The following ATRX variants were observed in gnomAD, a reference collection of about 807,000 sequenced individuals.
ATRX encodes chromatin remodeler ATRX.
ATRX carries 12 observed loss-of-function variants against 172.6 expected under a neutral mutation model. That is an observed-to-expected ratio of 0.07 (90% CI 0.04 to 0.11). The LOEUF (loss-of-function observed/expected upper bound fraction) is 0.11. ATRX is among the 10% of genes least tolerant of loss of function. The probability of loss-of-function intolerance (pLI) is 1.00; values close to 1 mark genes in which losing one functional copy is unlikely to be tolerated. For missense variants in ATRX, 1,368 were observed against 1,767.4 expected (o/e 0.77, Z 4.05); for synonymous variants, 674 against 594.7 (o/e 1.13, Z -1.94).
chrX:77,566,779 T>C (rs1167585512), intron 28 of ATRX, among the ~76,000 whole-genome samples: 2 of 111,219 alleles, frequency 1.8e-5, no homozygotes, highest in Non-Finnish European at 3.8e-5. Context: ...TACAATAAGT[T>C]CTCTAAATAC....
chrX:77,753,149 G>T (rs1291222981), intron 1 of ATRX, among the ~76,000 whole-genome samples: 1 of 111,300 alleles, frequency 9.0e-6, no homozygotes, highest in Non-Finnish European at 1.9e-5. Flanking sequence ...TTCAGAACTT[G>T]TTATTGGTCT....
At chrX:77,586,508 A>G (rs1557077201) in intron 27 of ATRX, among the ~76,000 whole-genome samples, 1 of 112,318 alleles carries the variant, frequency 8.9e-6, no homozygotes, top group Non-Finnish European at 1.9e-5. Flanking sequence ...TATAAAATAA[A>G]TGCAAATTAA....
intron 32 of ATRX, chrX:77,521,768 C>G (rs1260739264): frequency 1.5e-5 from 4 of 259,288 alleles, no homozygotes; most frequent in Non-Finnish European, 2.7e-5. Context: ...TAATGTGTTT[C>G]AGATTCAATT....
chrX:77,683,901 A>G lies in ATRX; in HGVS notation c.1355T>C (p.Leu452Ser), dbSNP rs781962927. 8.3e-7 allele frequency: 1 copy of G among 1,209,733 alleles called. No individual in the cohort carries two copies. The highest frequency in any genetic ancestry group is 1.7e-5 in the African/African-American group (1 of 57,773). Residue 452 changes from leucine to serine, a missense_variant, in exon 9 of 35, where the codon TTG becomes TCG. Transcript: ENST00000373344. ...TGACTTTGAAATATCCTTCTTTTCC[A>G]AAGCACAAGGTTTTTCTCCTTTTCG... ...KARKGEKPCA[L>S]EKKDISKSEA...
intron 15 of ATRX, among the ~76,000 whole-genome samples, chrX:77,637,567 G>A (rs782332170): frequency 2.7e-5 from 3 of 110,564 alleles, no homozygotes; most frequent in African/African-American, 9.9e-5. Context: ...CAAAATACTA[G>A]TTTAGTAAAA....
intron 10 of ATRX, chrX:77,673,910 TA>T (rs2070743348): frequency 9.0e-6 from 1 of 110,739 alleles, no homozygotes; most frequent in Non-Finnish European, 1.9e-5. Flanking sequence ...TCTCATGATA[TA>T]AAAAAGTAAC....
intron 27 of ATRX, among the ~76,000 whole-genome samples, chrX:77,579,383 G>A (rs78455193): frequency 0.011 from 1,233 of 111,853 alleles, 8 homozygotes; most frequent in Non-Finnish European, 0.017. Context: ...TGCTATACCC[G>A]CAGTGGTAGT....
intron 25 of ATRX, among the ~76,000 whole-genome samples, chrX:77,597,809 G>A (rs1281710628): frequency 8.9e-6 from 1 of 111,848 alleles, no homozygotes; most frequent in Non-Finnish European, 1.9e-5. Flanking sequence ...GCTGGAGAAG[G>A]GGCAAAGAAA....
intron 1 of ATRX, among the ~76,000 whole-genome samples, chrX:77,729,478 CAT>C (rs781802691): frequency 3.3e-4 from 37 of 112,038 alleles, no homozygotes; most frequent in African/African-American, 1.2e-3. Flanking sequence ...TTCTTTAATT[CAT>C]AGACTTTTCT....
Position 77,576,466 on chromosome X carries a change from C to T in ATRX, c.6218-2108G>A, listed in dbSNP as rs3027542. 6.2e-3 allele frequency among the ~76,000 whole-genome samples: 686 copies of T among 110,043 alleles called. 3 individuals carry two copies. Among genetic ancestry groups the T allele is most frequent in the African/African-American group, 0.021 (640 of 30,304 alleles). On this transcript the variant is annotated intron_variant, in intron 27 of 34. Coordinates refer to ENST00000373344, the MANE Select transcript of ATRX (RefSeq NM_000489.6). ...AAACTCACTCTAGAAACAAAGAAAG[C>T]GGGGAAATGAGAAAGATAAAAAGTG...
chrX:77,600,103 T>C (rs1206495833), intron 23 of ATRX, among the ~76,000 whole-genome samples: 4 of 111,988 alleles, frequency 3.6e-5, no homozygotes, highest in Non-Finnish European at 7.5e-5. Flanking sequence ...AAAGTTAATT[T>C]CTTAGTTTTG....
At position 77,550,311 on chromosome X, in the gene ATRX, C is replaced by A. The variant is rs978788535; in HGVS notation, c.6699+7140G>T. ...TCCCTGGGATGCAAGGCTGGTTCAA[C>A]ATATGCAAATCAATAAACGTAATCC... is the stretch of plus-strand genomic sequence containing the variant. On this transcript the variant is annotated intron_variant, in intron 30 of 34. Coordinates refer to ENST00000373344, the MANE Select transcript of ATRX (RefSeq NM_000489.6). 1.3e-4 allele frequency among the ~76,000 whole-genome samples: 15 copies of A among 112,117 alleles called. No individual in the cohort carries two copies. In the South Asian group the frequency reaches 2.6e-3, roughly 20 times the overall value.
rs1234382241 is a variant in ATRX at position 77,561,585 on chromosome X, A to C, written c.6327-2739T>G. 5 of 111,470 alleles carry C rather than the reference A, an allele frequency of 4.5e-5. No individual in the cohort carries two copies. In the East Asian group the frequency reaches 1.1e-3, roughly 25 times the overall value. 9.2% of individuals were successfully genotyped at this position (111,470 alleles called of 1,213,427 possible). ...GGAATTGCTGAGTCATAGGGTATTT[A>C]CATGCACTGTTAAACTGAACAAATT... On this transcript the variant is annotated intron_variant, in intron 28 of 34. Coordinates refer to ENST00000373344, the MANE Select transcript of ATRX (RefSeq NM_000489.6).
chrX:77,735,769 T>C (rs1483303442), intron 1 of ATRX, among the ~76,000 whole-genome samples: 2 of 93,594 alleles, frequency 2.1e-5, no homozygotes, highest in Non-Finnish European at 4.2e-5. Context: ...GCCACTGCAC[T>C]CCAGCCTGGG....
At chrX:77,703,265 G>A (rs915232419) in intron 2 of ATRX, among the ~76,000 whole-genome samples, 17 of 112,829 alleles carry the variant, frequency 1.5e-4, no homozygotes, top group Admixed American at 3.7e-4. Context: ...TGGCCTGGCC[G>A]GCTACACTCG....
chrX:77,582,414 A>C lies in ATRX; in HGVS notation c.6217+7420T>G, dbSNP rs5913680. 1.4e-3 allele frequency among the ~76,000 whole-genome samples: 160 copies of C among 111,201 alleles called. 1 individual carries two copies. Among genetic ancestry groups the C allele is most frequent in the Non-Finnish European group, 2.4e-3 (127 of 52,999 alleles). ...GACCTTGTCTCAAAAAAAAAGAAAA[A>C]AAAAACAAAAAAGAAGAGAAGAGAA... On this transcript the variant is annotated intron_variant, in intron 27 of 34. Coordinates refer to ENST00000373344, the MANE Select transcript of ATRX (RefSeq NM_000489.6).
rs187824882 is a variant in ATRX at position 77,769,641 on chromosome X, C to A, written c.20+16341G>T. ...ACGGAAACAATCTGGGAGAGGTAGG[C>A]TTTAATACAATTTCCACAGACCTGT... On this transcript the variant is annotated intron_variant, in intron 1 of 34. Transcript: ENST00000373344. 1.0e-3 allele frequency among the ~76,000 whole-genome samples: 113 copies of A among 111,458 alleles called. 1 individual carries two copies. Among genetic ancestry groups the A allele is most frequent in the South Asian group, 2.6e-3 (7 of 2,652 alleles).
At chrX:77,780,903 T>G (rs2076546138) in intron 1 of ATRX, among the ~76,000 whole-genome samples, 1 of 110,690 alleles carries the variant, frequency 9.0e-6, no homozygotes, top group East Asian at 2.9e-4. Context: ...TCAGTGTCAC[T>G]GCACTACAGC....
intron 22 of ATRX, among the ~76,000 whole-genome samples, chrX:77,607,342 C>T (rs1303521629): frequency 8.9e-6 from 1 of 111,917 alleles, no homozygotes; most frequent in Non-Finnish European, 1.9e-5. Context: ...TTTCTATATG[C>T]CAACAGTGAA....
Sources: allele counts gnomAD v4.1 joint callset (sites outside exome capture counted in the v4.1 genomes callset), GRCh38; gene constraint gnomAD v4.1.1; transcripts MANE v1.5; gene names NCBI Gene and HGNC (gene_info 2026-07-23, HGNC 2026-07-21).